KLF6: variants seen among roughly 807,000 people sequenced by gnomAD.
KLF6 encodes KLF transcription factor 6.
For missense variants in KLF6, 233 were observed against 359.8 expected, an observed-to-expected ratio of 0.65 and a Z score of 2.85; for synonymous variants, 152 against 147.9, an observed-to-expected ratio of 1.03 and a Z score of -0.20.
chr10:3,783,421 C>G (rs970213554), intron 1 of KLF6: 1 of 152,238 alleles, frequency 6.6e-6, no homozygotes, highest in African/African-American at 2.4e-5. Context: ...CTACACCAAA[C>G]GGCTCTGGTG....
chr10:3,779,459 C>G lies in KLF6; in HGVS notation c.*80G>C. The G allele has an allele frequency of 8.1e-7, 1 of 1,242,186 alleles. No individual in the cohort carries two copies. Among genetic ancestry groups the G allele is most frequent in the Non-Finnish European group, 1.2e-6 (1 of 843,286 alleles). 76.9% of individuals were successfully genotyped at this position (1,242,186 alleles called of 1,614,324 possible). ...TAGGGTGCAGAACGGCATGCTTTGG[C>G]TGGAACACGCATCCCTCCTTCCACG... On this transcript the variant is annotated 3_prime_UTR_variant, in exon 4 of 4. Transcript: ENST00000497571.
Position 3,782,130 on chromosome 10 carries a change from G to C in KLF6, c.187C>G (p.Leu63Val), listed in dbSNP as rs778831293. ...SEIKFDSQED[L>V]WTKIILAREK... ...CGAGCCAGAATGATTTTGGTCCACA[G>C]ATCTTCCTGGCTGTCAAATTTGATT... Residue 63 changes from leucine (L) to valine (V), a missense_variant, in exon 2 of 4, where the codon CTG becomes GTG. Coordinates refer to ENST00000497571, the MANE Select transcript of KLF6 (RefSeq NM_001300.6). The surrounding 1 kb of genome is among the most constrained non-coding windows in gnomAD (Gnocchi z 4.3). 6.2e-7 allele frequency: 1 copy of C among 1,613,982 alleles called. No homozygotes were observed. Among genetic ancestry groups the C allele is most frequent in the Admixed American group, 1.7e-5 (1 of 60,022 alleles).
chr10:3,777,030 A>G lies in KLF6; in HGVS notation c.*2509T>C, dbSNP rs1375834720. On this transcript the variant is annotated 3_prime_UTR_variant, in exon 4 of 4. Coordinates refer to ENST00000497571, the MANE Select transcript of KLF6 (RefSeq NM_001300.6). ...AAAAGGAGTTTTCCAAACCCAGCAA[A>G]TCAAGTGCTTGGATTCTGAACTGCC... 4.4e-5 allele frequency: 23 copies of G among 517,736 alleles called. No homozygotes were observed. The highest frequency in any genetic ancestry group is 6.8e-5 in the Non-Finnish European group (18 of 266,050). 32.1% of individuals were successfully genotyped at this position (517,736 alleles called of 1,614,324 possible). A position where few individuals can be genotyped will look rare whatever the true frequency, so the allele number is the denominator to read the frequency against.
chr10:3,776,165 C>G lies in KLF6; in HGVS notation c.*3374G>C, dbSNP rs1050102006. ...GGGAAGGTAGGCCCAGCTCTAGCTG[C>G]GGAACTGGAGCAGGCTGTGGAGGCA... On this transcript the variant is annotated 3_prime_UTR_variant, in exon 4 of 4. Transcript: ENST00000497571. The G allele has an allele frequency of 1.7e-5, 9 of 530,446 alleles. No individual in the cohort carries two copies. Among genetic ancestry groups the G allele is most frequent in the Non-Finnish European group, 2.9e-5 (8 of 273,898 alleles). The allele number at this position is 530,446 out of a possible 1,614,324, so 32.9% of individuals were successfully genotyped here. A position where few individuals can be genotyped will look rare whatever the true frequency, so the allele number is the denominator to read the frequency against.
rs1246245647 is a variant in KLF6, at chr10:3,780,805, G to A, written c.677-576C>T. On this transcript the variant is annotated intron_variant, in intron 2 of 3. Coordinates refer to ENST00000497571, the MANE Select transcript of KLF6 (RefSeq NM_001300.6). This position sits in a 1 kb window ranked among gnomAD's most constrained non-coding sequence, Gnocchi z 4.6. Reference sequence around the variant, plus strand: ...TCATAAATATGAATTTACTACAAGTGCTACCTGAGAAAACAAAGTTGTCAA... The same window carrying A: ...TCATAAATATGAATTTACTACAAGTACTACCTGAGAAAACAAAGTTGTCAA... The A allele has an allele frequency of 5.5e-6, 1 of 180,318 alleles. No homozygotes were observed. The highest frequency in any genetic ancestry group is 1.3e-4 in the East Asian group (1 of 7,530). 11.2% of individuals were successfully genotyped at this position (180,318 alleles called of 1,614,324 possible).
chr10:3,778,775 T>A lies in KLF6; in HGVS notation c.*764A>T, dbSNP rs1275314744. 1 of 531,342 alleles carries A rather than the reference T, an allele frequency of 1.9e-6. No homozygotes were observed. Among genetic ancestry groups the A allele is most frequent in the African/African-American group, 1.9e-5 (1 of 53,722 alleles). The allele number at this position is 531,342 out of a possible 1,614,324, so 32.9% of individuals were successfully genotyped here. ...GTTCCCCAGACCATGCATGACTTTT[T>A]GTATTCTAAGGAAAAGTTAAATTGT... On this transcript the variant is annotated 3_prime_UTR_variant, in exon 4 of 4. Transcript: ENST00000497571.
chr10:3,781,648 C>A lies in KLF6; in HGVS notation c.669G>T (p.Thr223=). The A allele has an allele frequency of 1.2e-6, 2 of 1,612,470 alleles. No individual in the cohort carries two copies. Among genetic ancestry groups the A allele is most frequent in the Non-Finnish European group, 1.7e-6 (2 of 1,179,042 alleles). ...KSSHLKAHQR[T]HTGEKPYRCS... The stretch of plus-strand genomic sequence containing the variant: ...GCCCGCGTGGGCACTGACCTGTGTG[C>A]GTCCGCTGGTGTGCTTTCAAGTGGG... The change falls in exon 2 of 4, where the codon ACG becomes ACT. Residue 223 remains threonine (T), a synonymous_variant. Coordinates refer to ENST00000497571, the MANE Select transcript of KLF6 (RefSeq NM_001300.6). The surrounding 1 kb of genome is among the most constrained non-coding windows in gnomAD (Gnocchi z 5.8).
In KLF6 at chr10:3,782,064, G is replaced by A; in HGVS notation, c.253C>T (p.Pro85Ser). 1 of 1,614,206 alleles carries A rather than the reference G, an allele frequency of 6.2e-7. No individual in the cohort carries two copies. The highest frequency in any genetic ancestry group is 8.5e-7 in the Non-Finnish European group (1 of 1,180,030). The change falls in exon 2 of 4, where the codon CCT becomes TCT. Residue 85 changes from proline (P) to serine (S), a missense_variant. Coordinates refer to ENST00000497571, the MANE Select transcript of KLF6 (RefSeq NM_001300.6). This position sits in a 1 kb window ranked among gnomAD's most constrained non-coding sequence, Gnocchi z 4.3. The stretch of plus-strand genomic sequence containing the variant: ...GGGCTGATGAGAGTGTCCTCTGGAG[G>A]ACTGGAAGATATCTTCAGTTCGGAT... The part of the protein sequence containing the change: ...EESELKISSS[P>S]PEDTLISPSF...
Position 3,776,673 on chromosome 10 carries a change from C to T in KLF6, c.*2866G>A. ...AAAACAAAATTTTACAAAAATCTTA[C>T]AAAGATTCTTTAGATAACAGGGTGC... On this transcript the variant is annotated 3_prime_UTR_variant, in exon 4 of 4. Coordinates refer to ENST00000497571, the MANE Select transcript of KLF6 (RefSeq NM_001300.6). The T allele has an allele frequency of 2.5e-6, 1 of 404,398 alleles. No individual in the cohort carries two copies. The highest frequency in any genetic ancestry group is 2.1e-5 in the South Asian group (1 of 47,004). 25.1% of individuals were successfully genotyped at this position (404,398 alleles called of 1,614,324 possible). A position where few individuals can be genotyped will look rare whatever the true frequency, so the allele number is the denominator to read the frequency against.
intron 1 of KLF6, among the ~76,000 whole-genome samples, chr10:3,783,948 C>G (rs1832589159): frequency 6.6e-6 from 1 of 152,136 alleles, no homozygotes; most frequent in Non-Finnish European, 1.5e-5. Flanking sequence ...GGGGAAAAGG[C>G]AGGAGAGGAC....
Position 3,785,019 on chromosome 10 carries a change from G to A in KLF6, c.-5C>T. ...GCACATGGGGAGCACGTCCATGTCGGGCCGGGTTGGACGGAGCCCGCGGTC... is the reference window on the plus strand; with the variant it reads ...GCACATGGGGAGCACGTCCATGTCGAGCCGGGTTGGACGGAGCCCGCGGTC... On this transcript the variant is annotated 5_prime_UTR_variant, in exon 1 of 4. Coordinates refer to ENST00000497571, the MANE Select transcript of KLF6 (RefSeq NM_001300.6). 1 of 1,610,758 alleles carries A rather than the reference G, an allele frequency of 6.2e-7. No homozygotes were observed. The highest frequency in any genetic ancestry group is 1.3e-5 in the African/African-American group (1 of 74,858).
At position 3,776,254 on chromosome 10, in the gene KLF6, G is replaced by A. The variant is rs1362927104; in HGVS notation, c.*3285C>T. 5.7e-6 allele frequency: 3 copies of A among 525,720 alleles called. No homozygotes were observed. The highest frequency in any genetic ancestry group is 4.6e-5 in the Admixed American group (2 of 43,716). The allele number at this position is 525,720 out of a possible 1,614,324, so 32.6% of individuals were successfully genotyped here. On this transcript the variant is annotated 3_prime_UTR_variant, in exon 4 of 4. Coordinates refer to ENST00000497571, the MANE Select transcript of KLF6 (RefSeq NM_001300.6). The stretch of plus-strand genomic sequence containing the variant: ...AGGTGCCTCTGCAATGCATTCCCTG[G>A]CTTGAGCAATGGAAGATCAAACCGG...
At chr10:3,784,866 G>A (rs1163564002) in intron 1 of KLF6, 47 bp downstream of exon 1, 2 of 1,570,764 alleles carry the variant, frequency 1.3e-6, no homozygotes, top group Non-Finnish European at 8.6e-7. Flanking sequence ...CAGCCGACCC[G>A]GCCCGCGCCC....
At position 3,782,046 on chromosome 10, in the gene KLF6, T is replaced by G. The variant is rs1564296189; in HGVS notation, c.271A>C (p.Ile91Leu). 4 of 1,613,884 alleles carry G rather than the reference T, an allele frequency of 2.5e-6. No homozygotes were observed. In the South Asian group the frequency reaches 4.4e-5, roughly 18 times the overall value. Residue 91 changes from isoleucine to leucine, a missense_variant, in exon 2 of 4, where the codon ATC (isoleucine) becomes CTC (leucine). Physicochemically the swap from Ile to Leu is conservative, Grantham distance 5 (BLOSUM62 2). Coordinates refer to ENST00000497571, the MANE Select transcript of KLF6 (RefSeq NM_001300.6). The surrounding 1 kb of genome is among the most constrained non-coding windows in gnomAD (Gnocchi z 4.3). ...ISSSPPEDTL[I>L]SPSFCYNLET... The stretch of plus-strand genomic sequence containing the variant: ...AAGTTGTAACAAAAGCTCGGGCTGA[T>G]GAGAGTGTCCTCTGGAGGACTGGAA...
rs549518757 is a variant in KLF6 at position 3,777,284 on chromosome 10, C to G, written c.*2255G>C. The G allele has an allele frequency of 3.3e-5, 17 of 515,744 alleles. No individual in the cohort carries two copies. The highest frequency in any genetic ancestry group is 6.4e-5 in the Non-Finnish European group (17 of 264,630). The allele number at this position is 515,744 out of a possible 1,614,324, so 31.9% of individuals were successfully genotyped here. ...AGCTGGGTGAAATATCAGCTGTCCA[C>G]GCCGTGGTATGCCAATTCGGGGAAA... On this transcript the variant is annotated 3_prime_UTR_variant, in exon 4 of 4. Coordinates refer to ENST00000497571, the MANE Select transcript of KLF6 (RefSeq NM_001300.6).
At chr10:3,784,589 AAAAC>A (rs1314653400) in intron 1 of KLF6, among the ~76,000 whole-genome samples, 57 of 149,792 alleles carry the variant, frequency 3.8e-4, no homozygotes, top group East Asian at 5.9e-4. Context: ...AAAACAACAA[AAAAC>A]AAACAAACAA....
chr10:3,776,886 G>A lies in KLF6; in HGVS notation c.*2653C>T, dbSNP rs927426785. On this transcript the variant is annotated 3_prime_UTR_variant, in exon 4 of 4. Transcript: ENST00000497571. ...CAGCCCCACCCAGGCAAACAGCTCC[G>A]ACATGTTTCGTAAGTGAGACAAGCC... 19 of 521,920 alleles carry A rather than the reference G, an allele frequency of 3.6e-5. No homozygotes were observed. The highest frequency in any genetic ancestry group is 1.2e-4 in the East Asian group (3 of 24,918). The allele number at this position is 521,920 out of a possible 1,614,324, so 32.3% of individuals were successfully genotyped here. A position where few individuals can be genotyped will look rare whatever the true frequency, so the allele number is the denominator to read the frequency against.
chr10:3,781,359 G>T lies in KLF6; in HGVS notation c.676+282C>A. On this transcript the variant is annotated intron_variant, in intron 2 of 3. Transcript: ENST00000497571. This position sits in a 1 kb window ranked among gnomAD's most constrained non-coding sequence, Gnocchi z 5.8. ...GCCTCGGATCCCCAGCACTACTAAG[G>T]GGTGGGGGGTGGAGGTTTGGGTGTC... 1 of 1,381,562 alleles carries T rather than the reference G, an allele frequency of 7.2e-7. No homozygotes were observed. The allele number at this position is 1,381,562 out of a possible 1,614,324, so 85.6% of individuals were successfully genotyped here.
Position 3,778,418 on chromosome 10 carries a change from C to G in KLF6, c.*1121G>C, listed in dbSNP as rs1339590107. ...AGCGTTAGTGGTTTTATCCACCCAACTGAGAAAAATTTTAGGTTCTTAAGT... is the reference window on the plus strand; with the variant it reads ...AGCGTTAGTGGTTTTATCCACCCAAGTGAGAAAAATTTTAGGTTCTTAAGT... On this transcript the variant is annotated 3_prime_UTR_variant, in exon 4 of 4. Transcript: ENST00000497571. 1.9e-5 allele frequency: 10 copies of G among 525,592 alleles called. No homozygotes were observed. Among genetic ancestry groups the G allele is most frequent in the South Asian group, 4.6e-5 (3 of 65,092 alleles). 32.6% of individuals were successfully genotyped at this position (525,592 alleles called of 1,614,324 possible).
Sources: allele counts gnomAD v4.1 joint callset (sites outside exome capture counted in the v4.1 genomes callset), GRCh38; gene constraint gnomAD v4.1.1; non-coding constraint Gnocchi (gnomAD v3.1); transcripts MANE v1.5; gene names NCBI Gene and HGNC (gene_info 2026-07-23, HGNC 2026-07-21).